GRIP1: variants seen among roughly 807,000 people sequenced by gnomAD.
GRIP1 encodes glutamate receptor interacting protein 1.
GRIP1 carries 45 observed loss-of-function variants against 129.9 expected under a neutral mutation model. That is an observed-to-expected ratio of 0.35 (90% CI 0.27 to 0.44). The LOEUF (loss-of-function observed/expected upper bound fraction) is 0.44, where lower values mean the gene tolerates loss of function less well. GRIP1 is among the 20% of genes least tolerant of loss of function. GRIP1 has a pLI of 1.00. For missense variants in GRIP1, 1,196 were observed against 1,396.8 expected (o/e 0.86, Z 2.29); for synonymous variants, 530 against 520.8 (o/e 1.02, Z -0.24).
chr12:66,483,729 T>A (rs2059871660), intron 7 of GRIP1, among the ~76,000 whole-genome samples: 1 of 152,368 alleles, frequency 6.6e-6, no homozygotes, highest in South Asian at 2.1e-4. Flanking sequence ...AAGTTTACAA[T>A]TTGATACATT....
In GRIP1 at chr12:66,371,791, G is replaced by T. The variant is rs2055516714; in HGVS notation, c.2915C>A (p.Thr972Asn). 5 of 1,614,064 alleles carry T rather than the reference G, an allele frequency of 3.1e-6. No homozygotes were observed. The highest frequency in any genetic ancestry group is 4.2e-6 in the Non-Finnish European group (5 of 1,179,914). Reference sequence around the variant, plus strand: ...CTTCCTACCCACATCTGAAGGCAGGGTGTTGCTCCGAGTTGTTTGGCTGTA... The same window carrying T: ...CTTCCTACCCACATCTGAAGGCAGGTTGTTGCTCCGAGTTGTTTGGCTGTA... ...PHYSQTTRSNTLPSDVGRKSV... is the reference protein window; with the variant it reads ...PHYSQTTRSNNLPSDVGRKSV... Residue 972 changes from threonine to asparagine, a missense_variant, in exon 23 of 25, where the codon ACC becomes AAC. Thr to Asn is a moderately conservative substitution (Grantham distance 65, BLOSUM62 0). Coordinates refer to ENST00000359742, the MANE Select transcript of GRIP1 (RefSeq NM_001366722.1).
intron 1 of GRIP1, among the ~76,000 whole-genome samples, chr12:67,004,479 C>T (rs2042598505): frequency 6.6e-6 from 1 of 152,030 alleles, no homozygotes; most frequent in African/African-American, 2.4e-5. Context: ...CCCCTCAGAA[C>T]TTGATGAAGA....
chr12:66,960,555 T>C (rs146997812), intron 1 of GRIP1, among the ~76,000 whole-genome samples: 61 of 152,276 alleles, frequency 4.0e-4, no homozygotes, highest in African/African-American at 1.3e-3. Flanking sequence ...ACTGGGTTCA[T>C]GAGCGTGTTA....
intron 1 of GRIP1, among the ~76,000 whole-genome samples, chr12:66,941,549 C>CCGA (rs1385026441): frequency 6.6e-6 from 1 of 152,104 alleles, no homozygotes; most frequent in Non-Finnish European, 1.5e-5. Flanking sequence ...AGAGCTGGTC[C>CCGA]CCTAAAGCTT....
At chr12:67,061,381 C>T (rs2043533343) in intron 1 of GRIP1, among the ~76,000 whole-genome samples, 1 of 152,166 alleles carries the variant, frequency 6.6e-6, no homozygotes, top group African/African-American at 2.4e-5. Context: ...CCTTACTTTA[C>T]AGATGAGAAA....
chr12:66,495,593 C>T (rs932422009), intron 7 of GRIP1, among the ~76,000 whole-genome samples: 3 of 151,974 alleles, frequency 2.0e-5, no homozygotes, highest in Admixed American at 6.6e-5. Context: ...AGTTAATATT[C>T]CTGCCAAATA....
intron 1 of GRIP1, among the ~76,000 whole-genome samples, chr12:66,767,975 A>T (rs1446379000): frequency 6.6e-6 from 1 of 152,216 alleles, no homozygotes; most frequent in Non-Finnish European, 1.5e-5. Flanking sequence ...ATTCCTGTCA[A>T]ATGTGTATAT....
At chr12:66,513,485 T>C (rs1348758188) in intron 7 of GRIP1, among the ~76,000 whole-genome samples, 7 of 152,148 alleles carry the variant, frequency 4.6e-5, no homozygotes, top group Admixed American at 4.6e-4. Flanking sequence ...TGTATTTAAG[T>C]ATTCTTTTAT....
chr12:66,857,355 G>T (rs1232684587), intron 1 of GRIP1, among the ~76,000 whole-genome samples: 1 of 151,878 alleles, frequency 6.6e-6, no homozygotes, highest in Non-Finnish European at 1.5e-5. Flanking sequence ...ATAAAAAAGT[G>T]AAACCAAAGC....
At chr12:66,801,849 C>T (rs1302082174) in intron 1 of GRIP1, among the ~76,000 whole-genome samples, 2 of 152,102 alleles carry the variant, frequency 1.3e-5, no homozygotes, top group Non-Finnish European at 2.9e-5. Context: ...GTAAATTCCA[C>T]CACGTTTTCA....
intron 2 of GRIP1, among the ~76,000 whole-genome samples, chr12:66,579,570 A>G (rs35714476): frequency 0.25 from 37,375 of 152,098 alleles, 4,726 homozygotes; most frequent in Admixed American, 0.28. Context: ...AAAGGAGCTG[A>G]TGAAGCTGAA....
At chr12:66,763,164 C>T (rs1046478789) in intron 1 of GRIP1, among the ~76,000 whole-genome samples, 4 of 152,158 alleles carry the variant, frequency 2.6e-5, no homozygotes, top group African/African-American at 9.7e-5. Context: ...CTAATCCTTG[C>T]TGTCCTTAAA....
At chr12:66,378,960 AT>A (rs2055960264) in intron 20 of GRIP1, among the ~76,000 whole-genome samples, 1 of 152,036 alleles carries the variant, frequency 6.6e-6, no homozygotes, top group African/African-American at 2.4e-5. Context: ...AAATAAAAAA[AT>A]AAATAAATAA....
rs539349723 is a variant in GRIP1, at chr12:66,600,185, T to C, written c.56-3258A>G. On this transcript the variant is annotated intron_variant, in intron 1 of 24. Coordinates refer to ENST00000359742, the MANE Select transcript of GRIP1 (RefSeq NM_001366722.1). ...GTACTACAGAACTAATTTATGCTTT[T>C]CAGTTCATTTCCTTGAAGATAAAAT... Among the ~76,000 whole-genome samples the C allele has an allele frequency of 1.2e-3, 182 of 152,330 alleles. 1 individual carries two copies. Among genetic ancestry groups the C allele is most frequent in the Middle Eastern group, 6.8e-3 (2 of 294 alleles).
intron 1 of GRIP1, among the ~76,000 whole-genome samples, chr12:66,744,387 G>A (rs187802002): frequency 5.9e-5 from 9 of 152,026 alleles, no homozygotes; most frequent in Middle Eastern, 3.4e-3. Flanking sequence ...CACTGTGCCC[G>A]GGAGATAATA....
intron 1 of GRIP1, among the ~76,000 whole-genome samples, chr12:66,900,095 GAAGTA>G (rs2040821053): frequency 6.6e-6 from 1 of 152,200 alleles, no homozygotes; most frequent in African/African-American, 2.4e-5. Flanking sequence ...AGAGTTGGGA[GAAGTA>G]AAGAGATTGG....
intron 1 of GRIP1, among the ~76,000 whole-genome samples, chr12:66,905,829 C>T (rs535320083): frequency 7.2e-5 from 11 of 152,176 alleles, no homozygotes; most frequent in Non-Finnish European, 1.3e-4. Context: ...TTTCAACTTT[C>T]GCAAGTTACC....
intron 1 of GRIP1, among the ~76,000 whole-genome samples, chr12:66,689,862 C>G (rs2034916610): frequency 6.6e-6 from 1 of 151,908 alleles, no homozygotes; most frequent in African/African-American, 2.4e-5. Context: ...CCATTTTACT[C>G]TTTTATGAAT....
At chr12:66,392,247 T>C in intron 19 of GRIP1, 61 bp downstream of exon 19, 1 of 980,304 alleles carries the variant, frequency 1.0e-6, no homozygotes, top group Admixed American at 1.7e-5. Flanking sequence ...AGAGGATGAA[T>C]CTTGGAGAAG....
Sources: gnomAD v4.1 joint callset for allele counts (sites outside exome capture counted in the v4.1 genomes callset) on GRCh38, gnomAD v4.1.1 for gene constraint, MANE v1.5 for transcripts, NCBI Gene and HGNC (gene_info 2026-07-23, HGNC 2026-07-21) for gene names.